Variants in STPG4 observed in about 807,000 individuals in gnomAD.
STPG4 encodes sperm-tail PG-rich repeat containing 4, also known as protein STPG4.
Under a neutral mutation model 31.5 loss-of-function variants are expected in STPG4, and 41 were observed. That is an observed-to-expected ratio of 1.30 (90% CI 1.01 to 1.69). The LOEUF (loss-of-function observed/expected upper bound fraction) is 1.69, where lower values mean the gene tolerates loss of function less well. Among genes scored for constraint, STPG4 ranks in the 40% most tolerant of loss-of-function variants. The pLI is 0.00. For synonymous variants in STPG4, 141 were observed against 103.0 expected (o/e 1.37, Z -2.24); for missense variants, 375 against 293.4 (o/e 1.28, Z -2.03).
At chr2:47,095,182 G>A (rs1385770446) in intron 5 of STPG4, among the ~76,000 whole-genome samples, 1 of 152,184 alleles carries the variant, frequency 6.6e-6, no homozygotes, top group East Asian at 1.9e-4. Context: ...AAGGTCTTAT[G>A]AATTTGGAGT....
intron 5 of STPG4, among the ~76,000 whole-genome samples, chr2:47,119,703 G>A (rs1307231129): frequency 6.6e-6 from 1 of 152,198 alleles, no homozygotes; most frequent in Non-Finnish European, 1.5e-5. Context: ...ACTAGGGGCT[G>A]CTCACCCAGT....
At chr2:47,107,757 A>C (rs1573160961) in intron 5 of STPG4, among the ~76,000 whole-genome samples, 1 of 152,106 alleles carries the variant, frequency 6.6e-6, no homozygotes, top group South Asian at 2.1e-4. Flanking sequence ...TCTGGTGGGG[A>C]CGTGGAGAAC....
intron 5 of STPG4, among the ~76,000 whole-genome samples, chr2:47,125,257 CA>C (rs957692193): frequency 1.3e-5 from 2 of 151,874 alleles, no homozygotes; most frequent in Non-Finnish European, 2.9e-5. Context: ...CCCATTTCTA[CA>C]AAAAAATACA....
chr2:47,113,475 C>T (rs1686081411), intron 5 of STPG4, among the ~76,000 whole-genome samples: 1 of 152,042 alleles, frequency 6.6e-6, no homozygotes, highest in Admixed American at 6.6e-5. Context: ...AATTAGAATG[C>T]ATAGCCATAA....
In STPG4 at chr2:47,125,921, G is replaced by A. The variant is rs1686357764; in HGVS notation, c.519+4020C>T. 4.6e-5 allele frequency among the ~76,000 whole-genome samples: 7 copies of A among 152,090 alleles called. No homozygotes were observed. The South Asian group carries it at 1.5e-3, about 32-fold the overall frequency. On this transcript the variant is annotated intron_variant, in intron 5 of 6. Transcript: ENST00000445927. Reference sequence around the variant, plus strand: ...TAAAATGGCAAGAGATAGGGTTCTAGTTTCATTCATCTTCATATGGATATC... The same window carrying A: ...TAAAATGGCAAGAGATAGGGTTCTAATTTCATTCATCTTCATATGGATATC...
chr2:47,090,419 A>G, intron 5 of STPG4, 45 bp from the exon 6 acceptor site: 1 of 1,249,108 alleles, frequency 8.0e-7, no homozygotes, highest in Non-Finnish European at 1.1e-6. Context: ...TGTACATTTG[A>G]TATATTTTAA....
intron 5 of STPG4, among the ~76,000 whole-genome samples, chr2:47,094,190 C>T (rs1573145987): frequency 6.6e-6 from 1 of 152,320 alleles, no homozygotes; most frequent in Middle Eastern, 3.4e-3. Flanking sequence ...GCATCTCTTC[C>T]ACAAATCAAA....
At chr2:47,109,597 A>G (rs1246591588) in intron 5 of STPG4, among the ~76,000 whole-genome samples, 1 of 151,820 alleles carries the variant, frequency 6.6e-6, no homozygotes, top group Non-Finnish European at 1.5e-5. Context: ...TCTATAAGCT[A>G]TATTTGAAAT....
intron 5 of STPG4, among the ~76,000 whole-genome samples, chr2:47,116,286 G>C (rs1445824905): frequency 6.6e-6 from 1 of 152,142 alleles, no homozygotes; most frequent in African/African-American, 2.4e-5. Context: ...GGAATAGAAG[G>C]ATATTCAAAT....
intron 5 of STPG4, among the ~76,000 whole-genome samples, chr2:47,092,640 G>T (rs72877021): frequency 1.4e-5 from 2 of 142,422 alleles, no homozygotes; most frequent in African/African-American, 5.5e-5. Flanking sequence ...AGAGGGGAGA[G>T]GAGGAGAAAG....
intron 3 of STPG4, among the ~76,000 whole-genome samples, chr2:47,135,206 T>A (rs997983728): frequency 6.6e-6 from 1 of 152,138 alleles, no homozygotes; most frequent in African/African-American, 2.4e-5. Flanking sequence ...GAAATCCAAT[T>A]TATTAATTAT....
chr2:47,109,556 G>GA (rs533888510), intron 5 of STPG4, among the ~76,000 whole-genome samples: 4,611 of 88,734 alleles, frequency 0.052, 90 homozygotes, highest in Non-Finnish European at 0.067. Context: ...CTATGTATCA[G>GA]AAAAAAAAAA....
At chr2:47,135,008 G>A (rs917479846) in intron 3 of STPG4, among the ~76,000 whole-genome samples, 1 of 152,160 alleles carries the variant, frequency 6.6e-6, no homozygotes, top group Non-Finnish European at 1.5e-5. Flanking sequence ...TTGGAGAGGT[G>A]TATATTAAGG....
intron 3 of STPG4, among the ~76,000 whole-genome samples, chr2:47,143,869 G>A (rs990642114): frequency 2.5e-4 from 38 of 152,150 alleles, no homozygotes; most frequent in Non-Finnish European, 7.4e-5. Context: ...TTTGATACAG[G>A]TGATAAAGCC....
At chr2:47,145,730 G>T (rs909154162) in intron 3 of STPG4, among the ~76,000 whole-genome samples, 1 of 152,202 alleles carries the variant, frequency 6.6e-6, no homozygotes, top group African/African-American at 2.4e-5. Flanking sequence ...CACTGTTCTA[G>T]ACAGAGATAT....
intron 3 of STPG4, among the ~76,000 whole-genome samples, chr2:47,132,810 A>G (rs1250916806): frequency 4.6e-5 from 7 of 152,204 alleles, no homozygotes; most frequent in Non-Finnish European, 8.8e-5. Context: ...ACAGGAGACA[A>G]AAAAAGAAAA....
chr2:47,121,847 C>CGT (rs10538224), intron 5 of STPG4, among the ~76,000 whole-genome samples: 3,576 of 144,244 alleles, frequency 0.025, 42 homozygotes, highest in East Asian at 0.039. Context: ...GCCCTCTCCT[C>CGT]GTGTGTGTGT....
intron 5 of STPG4, among the ~76,000 whole-genome samples, chr2:47,112,818 C>T (rs1183843659): frequency 1.3e-5 from 2 of 151,902 alleles, no homozygotes; most frequent in African/African-American, 2.4e-5. Context: ...GCCTGGGCAA[C>T]ATAGTGAGAT....
intron 5 of STPG4, among the ~76,000 whole-genome samples, chr2:47,128,196 A>G (rs1686401920): frequency 6.6e-6 from 1 of 152,126 alleles, no homozygotes; most frequent in African/African-American, 2.4e-5. Context: ...TCCCCCAAAC[A>G]AACGAAGTCT....
Sources: gnomAD v4.1 joint callset for allele counts (sites outside exome capture counted in the v4.1 genomes callset) on GRCh38, gnomAD v4.1.1 for gene constraint, MANE v1.5 for transcripts, NCBI Gene and HGNC (gene_info 2026-07-23, HGNC 2026-07-21) for gene names.